The following LMCD1 variants were observed in gnomAD, a reference collection of about 807,000 sequenced individuals.
LMCD1 encodes LIM and cysteine rich domains 1.
A neutral mutation model predicts 42.7 loss-of-function variants in LMCD1; 32 were observed. The ratio of observed to expected loss-of-function variants is 0.75; its 90% CI spans 0.57 to 1.01. LMCD1 has a LOEUF of 1.01. LMCD1 is among the 50% of genes least tolerant of loss of function. LMCD1 has a pLI of 0.00. For missense variants in LMCD1, 458 were observed against 483.1 expected, an observed-to-expected ratio of 0.95 and a Z score of 0.49; for synonymous variants, 178 against 184.9, an observed-to-expected ratio of 0.96 and a Z score of 0.30.
intron 1 of LMCD1, among the ~76,000 whole-genome samples, chr3:8,505,914 C>G (rs1408273667): frequency 6.6e-6 from 1 of 152,234 alleles, no homozygotes. Flanking sequence ...TTGGCTCTCT[C>G]AATCTTAAAA....
intron 1 of LMCD1, among the ~76,000 whole-genome samples, chr3:8,519,907 C>CGTGTGTGT (rs562320226): frequency 0.033 from 4,940 of 150,560 alleles, 153 homozygotes; most frequent in African/African-American, 0.08. Context: ...TGTGCACACA[C>CGTGTGTGT]GTGTGTGTGT....
intron 4 of LMCD1, among the ~76,000 whole-genome samples, chr3:8,562,222 G>C (rs1224572899): frequency 6.6e-6 from 1 of 152,168 alleles, no homozygotes. Context: ...GTAAAAGACA[G>C]ATAAAGGAGC....
At position 8,569,204 on chromosome 3, in the gene LMCD1, T is replaced by C. The variant is rs998594372; in HGVS notation, c.*1606T>C. 1 of 152,242 alleles carries C rather than the reference T, an allele frequency of 6.6e-6. No individual in the cohort carries two copies. Among genetic ancestry groups the C allele is most frequent in the Non-Finnish European group, 1.5e-5 (1 of 68,052 alleles). 9.4% of individuals were successfully genotyped at this position (152,242 alleles called of 1,614,324 possible). A position where few individuals can be genotyped will look rare whatever the true frequency, so the allele number is the denominator to read the frequency against. ...CTGGCCTTGGAGCCCTTTATTTCCC[T>C]AGATTTCTAGTTCCCTATTTCTTCC... On this transcript the variant is annotated 3_prime_UTR_variant, in exon 6 of 6. Coordinates refer to ENST00000157600, the MANE Select transcript of LMCD1 (RefSeq NM_014583.4).
In LMCD1 at chr3:8,565,450, G is replaced by A. The variant is rs1472801650; in HGVS notation, c.742G>A (p.Gly248Arg). 3.1e-6 allele frequency: 5 copies of A among 1,614,118 alleles called. No individual in the cohort carries two copies. The East Asian group carries it at 8.9e-5, about 29-fold the overall frequency. Residue 248 changes from glycine to arginine, a missense_variant, in exon 5 of 6, where the codon GGA becomes AGA. Gly to Arg is a moderately radical substitution (Grantham distance 125). Transcript: ENST00000157600. Reference sequence around the variant, plus strand: ...CTTCCAGGTCTGCGAGCTCTGCAAGGGAGCGGCCCCTCCTGACAGCCCCGT... The same window carrying A: ...CTTCCAGGTCTGCGAGCTCTGCAAGAGAGCGGCCCCTCCTGACAGCCCCGT... ...EVEYVCELCK[G>R]AAPPDSPVVY...
chr3:8,535,551 G>A (rs73130067), intron 2 of LMCD1, among the ~76,000 whole-genome samples: 16,507 of 152,136 alleles, frequency 0.11, 1,078 homozygotes, highest in South Asian at 0.2. Context: ...CTAAAGAGAG[G>A]TGTTTAACCT....
At chr3:8,519,323 T>G (rs1032896826) in intron 1 of LMCD1, among the ~76,000 whole-genome samples, 1 of 152,192 alleles carries the variant, frequency 6.6e-6, no homozygotes, top group African/African-American at 2.4e-5. Context: ...AGGAACTGTA[T>G]GTGGGCAGGC....
Position 8,537,312 on chromosome 3 carries a change from G to T in LMCD1, c.259G>T (p.Gly87Cys). 6.2e-7 allele frequency: 1 copy of T among 1,614,184 alleles called. No individual in the cohort carries two copies. Among genetic ancestry groups the T allele is most frequent in the Non-Finnish European group, 8.5e-7 (1 of 1,180,028 alleles). ...KYSTLTARVK[G>C]GDGIRIYKRN... ...TTCCACCCTCACTGCTCGGGTGAAA[G>T]GCGGGGACGGCATCCGGATTTACAA... The change falls in exon 3 of 6, where the codon GGC becomes TGC. Residue 87 changes from glycine (G) to cysteine (C), a missense_variant. Coordinates refer to ENST00000157600, the MANE Select transcript of LMCD1 (RefSeq NM_014583.4).
intron 5 of LMCD1, 86 bp downstream of exon 5, chr3:8,565,733 G>C: frequency 3.2e-6 from 4 of 1,240,910 alleles, no homozygotes; most frequent in Middle Eastern, 2.7e-4. Context: ...GCATGGCTTT[G>C]TGGATGATGT....
rs1377685366 is a variant in LMCD1 at position 8,565,485 on chromosome 3, G to A, written c.777G>A (p.Ser259=). 5 of 1,614,034 alleles carry A rather than the reference G, an allele frequency of 3.1e-6. No homozygotes were observed. Among genetic ancestry groups the A allele is most frequent in the African/African-American group, 2.7e-5 (2 of 74,904 alleles). ...CTCCTGACAGCCCCGTGGTCTACTC[G>A]GACAGGGCAGGCTACAACAAGCAGT... The part of the protein sequence containing the change: ...AAPPDSPVVY[S]DRAGYNKQWH... Residue 259 remains serine (S), a synonymous_variant, in exon 5 of 6, where the codon TCG becomes TCA. Coordinates refer to ENST00000157600, the MANE Select transcript of LMCD1 (RefSeq NM_014583.4).
intron 3 of LMCD1, among the ~76,000 whole-genome samples, chr3:8,539,078 C>T (rs1023021175): frequency 6.6e-6 from 1 of 152,218 alleles, no homozygotes; most frequent in African/African-American, 2.4e-5. Context: ...GTAAGACTCA[C>T]ACTGAAATCT....
intron 1 of LMCD1, among the ~76,000 whole-genome samples, chr3:8,511,099 G>A (rs1693991191): frequency 6.6e-6 from 1 of 152,144 alleles, no homozygotes; most frequent in Admixed American, 6.5e-5. Flanking sequence ...TTAGTTCTGA[G>A]CCTTAGTTTC....
intron 1 of LMCD1, among the ~76,000 whole-genome samples, chr3:8,509,440 A>C (rs1312435038): frequency 6.6e-6 from 1 of 152,088 alleles, no homozygotes; most frequent in East Asian, 1.9e-4. Flanking sequence ...TTTCCCTCCA[A>C]TGTCTTGCTT....
chr3:8,535,648 C>A (rs1694495786), intron 2 of LMCD1, among the ~76,000 whole-genome samples: 1 of 152,222 alleles, frequency 6.6e-6, no homozygotes, highest in Admixed American at 6.5e-5. Flanking sequence ...GGAGAACTGG[C>A]CCAGGCCAGT....
At chr3:8,550,426 C>T in intron 4 of LMCD1, 15 of 984,668 alleles carry the variant, frequency 1.5e-5, no homozygotes, top group Non-Finnish European at 1.6e-5. Flanking sequence ...AATGCCAGCC[C>T]AAACAAAGCT....
intron 5 of LMCD1, among the ~76,000 whole-genome samples, chr3:8,566,305 G>T (rs1439215351): frequency 6.6e-6 from 1 of 152,208 alleles, no homozygotes; most frequent in Non-Finnish European, 1.5e-5. Flanking sequence ...TACTAATTAT[G>T]ATCATAGTAT....
chr3:8,514,138 G>A (rs1272184151), intron 1 of LMCD1, among the ~76,000 whole-genome samples: 6 of 151,912 alleles, frequency 3.9e-5, no homozygotes, highest in Admixed American at 6.6e-5. Flanking sequence ...GAGAGATCTG[G>A]GTTGTATTCA....
At chr3:8,511,539 G>A (rs1694000583) in intron 1 of LMCD1, among the ~76,000 whole-genome samples, 2 of 152,180 alleles carry the variant, frequency 1.3e-5, no homozygotes, top group Non-Finnish European at 1.5e-5. Flanking sequence ...TACCTGGGGA[G>A]GTCAAGAAAG....
At chr3:8,515,135 G>A (rs1694075042) in intron 1 of LMCD1, 1 of 409,948 alleles carries the variant, frequency 2.4e-6, no homozygotes, top group Admixed American at 2.5e-5. Flanking sequence ...CCCCCTGGAG[G>A]TGTCACGTTA....
rs1695178271 is a variant in LMCD1, at chr3:8,569,325, T to C, written c.*1727T>C. The C allele has an allele frequency of 6.6e-6, 1 of 152,252 alleles. No individual in the cohort carries two copies. Among genetic ancestry groups the C allele is most frequent in the African/African-American group, 2.4e-5 (1 of 41,446 alleles). 9.4% of individuals were successfully genotyped at this position (152,252 alleles called of 1,614,324 possible). ...AGACCAACTCTGGCTGTTGAAATTC[T>C]ATTCATCCTATAAGGTGCTTCTCAA... On this transcript the variant is annotated 3_prime_UTR_variant, in exon 6 of 6. Coordinates refer to ENST00000157600, the MANE Select transcript of LMCD1 (RefSeq NM_014583.4).
Sources: allele counts gnomAD v4.1 joint callset (sites outside exome capture counted in the v4.1 genomes callset), GRCh38; gene constraint gnomAD v4.1.1; transcripts MANE v1.5; gene names NCBI Gene and HGNC (gene_info 2026-07-23, HGNC 2026-07-21).